The following GSG1L variants were observed in gnomAD, a reference collection of about 807,000 sequenced individuals.
GSG1L encodes GSG1 like, also known as germ cell-specific gene 1-like protein.
Under a neutral mutation model 42.1 loss-of-function variants are expected in GSG1L, and 24 were observed. The observed-to-expected ratio is 0.57, with a 90% confidence interval of 0.41 to 0.80. The LOEUF is 0.80. Ranked by LOEUF, GSG1L falls within the 30% of genes least tolerant of loss-of-function variation. The pLI, the probability that GSG1L is intolerant of heterozygous loss-of-function variation, is 0.00. For synonymous variants in GSG1L, 215 were observed against 203.5 expected, an observed-to-expected ratio of 1.06 and a Z score of -0.48; for missense variants, 445 against 472.2, an observed-to-expected ratio of 0.94 and a Z score of 0.53.
At chr16:27,956,839 G>C (rs1239923026) in intron 2 of GSG1L, among the ~76,000 whole-genome samples, 2 of 152,096 alleles carry the variant, frequency 1.3e-5, no homozygotes, top group African/African-American at 4.8e-5. Context: ...TGAGTTGTGT[G>C]AATGCCACTG....
intron 3 of GSG1L, among the ~76,000 whole-genome samples, chr16:27,866,140 C>A (rs1596567333): frequency 1.3e-5 from 2 of 152,128 alleles, no homozygotes; most frequent in Non-Finnish European, 1.5e-5. Context: ...TCCTGTATAT[C>A]TCTCTGCCTC....
At chr16:27,792,330 C>T (rs1158630469) in intron 6 of GSG1L, among the ~76,000 whole-genome samples, 1 of 152,126 alleles carries the variant, frequency 6.6e-6, no homozygotes, top group African/African-American at 2.4e-5. Context: ...ACTCTCTGGG[C>T]ACCGAGGCAG....
chr16:27,943,472 A>T (rs1455697404), intron 2 of GSG1L, among the ~76,000 whole-genome samples: 2 of 151,818 alleles, frequency 1.3e-5, no homozygotes, highest in Non-Finnish European at 2.9e-5. Context: ...AAGTACACTG[A>T]TCACATTTAG....
intron 5 of GSG1L, among the ~76,000 whole-genome samples, chr16:27,808,847 G>A (rs1166107258): frequency 1.3e-5 from 2 of 152,170 alleles, no homozygotes; most frequent in Non-Finnish European, 2.9e-5. Flanking sequence ...CCTCTGCGGG[G>A]TGGCAGCAGA....
chr16:27,861,894 A>G (rs898494769), intron 3 of GSG1L, among the ~76,000 whole-genome samples: 2 of 152,188 alleles, frequency 1.3e-5, no homozygotes, highest in African/African-American at 4.8e-5. Flanking sequence ...CAGAAATGCC[A>G]AAGCAGATTC....
chr16:28,038,312 A>G (rs1180095156), intron 1 of GSG1L, among the ~76,000 whole-genome samples: 1 of 152,116 alleles, frequency 6.6e-6, no homozygotes. Context: ...CCTGCTGGGG[A>G]AAAAGTATTT....
intron 2 of GSG1L, among the ~76,000 whole-genome samples, chr16:27,906,557 C>A (rs766888385): frequency 5.9e-5 from 9 of 152,022 alleles, no homozygotes; most frequent in Admixed American, 2.0e-4. Flanking sequence ...TGCTTCAGCC[C>A]GGGGCCCTCT....
chr16:27,997,334 T>TTG, intron 1 of GSG1L, among the ~76,000 whole-genome samples: 1 of 142,652 alleles, frequency 7.0e-6, no homozygotes, highest in Non-Finnish European at 1.5e-5. Context: ...TTTTTTTTTT[T>TTG]TTTGAGACAG....
chr16:28,032,982 C>T (rs2085984594), intron 1 of GSG1L, among the ~76,000 whole-genome samples: 1 of 152,202 alleles, frequency 6.6e-6, no homozygotes, highest in South Asian at 2.1e-4. Flanking sequence ...TGTCACCTTC[C>T]TGCTTAAACG....
intron 4 of GSG1L, among the ~76,000 whole-genome samples, chr16:27,842,099 C>CGCGCGTGCCGAATTTCACATCAGTAGCAT (rs2083389700): frequency 5.0e-5 from 5 of 99,538 alleles, no homozygotes; most frequent in Non-Finnish European, 7.2e-5. Flanking sequence ...ATCAGTAGCA[C>CGCGCGTGCCGAATTTCACATCAGTAGCAT]GATGTCGCGC....
At chr16:27,816,932 G>A (rs2083100678) in intron 5 of GSG1L, among the ~76,000 whole-genome samples, 1 of 152,196 alleles carries the variant, frequency 6.6e-6, no homozygotes, top group South Asian at 2.1e-4. Context: ...CACTGGCTCT[G>A]CCAGAACTGC....
intron 5 of GSG1L, among the ~76,000 whole-genome samples, chr16:27,815,334 C>T (rs2083082955): frequency 6.6e-6 from 1 of 152,108 alleles, no homozygotes; most frequent in Non-Finnish European, 1.5e-5. Flanking sequence ...CTCCTTTGCT[C>T]ATTGTGTGAT....
chr16:27,939,054 C>T (rs1410212416), intron 2 of GSG1L, among the ~76,000 whole-genome samples: 1 of 152,098 alleles, frequency 6.6e-6, no homozygotes, highest in East Asian at 1.9e-4. Flanking sequence ...CACATAATGA[C>T]ATTCCAACTG....
At chr16:28,050,255 CT>C (rs1296354092) in intron 1 of GSG1L, among the ~76,000 whole-genome samples, 2 of 152,136 alleles carry the variant, frequency 1.3e-5, no homozygotes, top group African/African-American at 4.8e-5. Flanking sequence ...TCACAATTCA[CT>C]GCAGCCAAGA....
At chr16:27,879,582 T>C (rs990451115) in intron 3 of GSG1L, among the ~76,000 whole-genome samples, 2 of 152,200 alleles carry the variant, frequency 1.3e-5, no homozygotes, top group Admixed American at 6.5e-5. Flanking sequence ...GCCACTGCAC[T>C]CTAGCCTGGG....
intron 3 of GSG1L, among the ~76,000 whole-genome samples, chr16:27,871,499 A>G (rs2083819974): frequency 6.6e-6 from 1 of 152,092 alleles, no homozygotes; most frequent in South Asian, 2.1e-4. Flanking sequence ...AACAATAGCC[A>G]GGTGTGGTGG....
intron 2 of GSG1L, among the ~76,000 whole-genome samples, chr16:27,888,464 C>CTTTCTT (rs59650383): frequency 0.024 from 259 of 10,930 alleles, 30 homozygotes; most frequent in Middle Eastern, 0.11. Context: ...TTCTTTCTTT[C>CTTTCTT]TCTCTCTCTC....
intron 2 of GSG1L, among the ~76,000 whole-genome samples, chr16:27,958,186 C>T (rs1204561014): frequency 6.6e-6 from 1 of 152,006 alleles, no homozygotes; most frequent in Admixed American, 6.6e-5. Context: ...GGCAGGCCCA[C>T]CTGAGGTCAG....
intron 2 of GSG1L, among the ~76,000 whole-genome samples, chr16:27,927,966 C>T (rs566100143): frequency 1.3e-5 from 2 of 152,202 alleles, no homozygotes; most frequent in Admixed American, 6.5e-5. Flanking sequence ...GTGGAGGATT[C>T]GTGCTTTATC....
Sources: allele counts gnomAD v4.1 joint callset (sites outside exome capture counted in the v4.1 genomes callset), GRCh38; gene constraint gnomAD v4.1.1; transcripts MANE v1.5; gene names NCBI Gene and HGNC (gene_info 2026-07-23, HGNC 2026-07-21).